The following MUS81 variants were observed in gnomAD, a reference collection of about 807,000 sequenced individuals.
MUS81 encodes the protein MUS81 structure-specific endonuclease subunit.
Under a neutral mutation model 74.2 loss-of-function variants are expected in MUS81, and 69 were observed. That is an observed-to-expected ratio of 0.93 (90% confidence interval 0.77 to 1.14). The LOEUF (loss-of-function observed/expected upper bound fraction) is 1.14, where lower values mean the gene tolerates loss of function less well. Ranked by LOEUF, MUS81 falls within the 50% of genes most tolerant of loss-of-function variation. The pLI is 0.00. For missense variants in MUS81, 711 were observed against 726.5 expected (o/e 0.98, Z 0.25); for synonymous variants, 303 against 300.6 (o/e 1.01, Z -0.08).
At chr11:65,865,531 G>A in intron 14 of MUS81, 3 of 638,482 alleles carry the variant, frequency 4.7e-6, no homozygotes, top group African/African-American at 1.8e-5. Context: ...ACAGGAGGGA[G>A]GGAGACGTCC....
At chr11:65,866,631 T>C (rs1389886179), downstream of MUS81, 2 of 703,080 alleles carry the variant, frequency 2.8e-6, no homozygotes, top group Non-Finnish European at 5.2e-6. Flanking sequence ...GAGTCCGCCC[T>C]CCTCGTTACC....
chr11:65,867,485 G>T, downstream of MUS81: 2 of 429,718 alleles, frequency 4.7e-6, no homozygotes, highest in South Asian at 2.2e-5. Context: ...GCATGCGGCT[G>T]CCAGTCACTG....
chr11:65,867,187 C>T, downstream of MUS81: 1 of 1,384,372 alleles, frequency 7.2e-7, no homozygotes, highest in African/African-American at 1.4e-5. Flanking sequence ...AGGAACAGCC[C>T]TGGCCAGGCT....
Position 65,863,796 on chromosome 11 carries a change from G to A in MUS81, c.962-8G>A, listed in dbSNP as rs759079701. ...GGGATCGCAAGCTAACGGCTGGCTTGTCAGCAGCAAACCCTGGGGAGTTGG... is the reference window on the plus strand; with the variant it reads ...GGGATCGCAAGCTAACGGCTGGCTTATCAGCAGCAAACCCTGGGGAGTTGG... On this transcript the variant is annotated splice_region_variant and splice_polypyrimidine_tract_variant and intron_variant, in intron 9 of 15. Coordinates refer to ENST00000308110, the MANE Select transcript of MUS81 (RefSeq NM_025128.5). 4 of 1,614,050 alleles carry A rather than the reference G, an allele frequency of 2.5e-6. No individual in the cohort carries two copies. In the African/African-American group the frequency reaches 4.0e-5, roughly 16 times the overall value.
chr11:65,865,996 C>A lies in MUS81; in HGVS notation c.1600C>A (p.Pro534Thr), dbSNP rs766252036. Residue 534 changes from proline (P) to threonine (T), a missense_variant, in exon 16 of 16, where the codon CCT (proline) becomes ACT (threonine). Transcript: ENST00000308110. ...KCGRLQRNLGPALSRTLSQLY... is the reference protein window; with the variant it reads ...KCGRLQRNLGTALSRTLSQLY... The stretch of plus-strand genomic sequence containing the variant: ...CCTCTCTTCCTGCAGGAATCTGGGG[C>A]CTGCTCTGAGCAGGACCTTATCCCA... 16 of 1,614,056 alleles carry A rather than the reference C, an allele frequency of 9.9e-6. No homozygotes were observed. The highest frequency in any genetic ancestry group is 1.4e-5 in the Non-Finnish European group (16 of 1,179,972).
intron 3 of MUS81, 27 bp downstream of exon 3, chr11:65,861,462 G>A (rs1859602441): frequency 6.4e-7 from 1 of 1,566,710 alleles, no homozygotes. Flanking sequence ...GGGAGTGGAA[G>A]GCAAAGTGGG....
At chr11:65,864,084 GCCAGGTA>G in intron 10 of MUS81, 183 bp downstream of exon 10, 2 of 635,228 alleles carry the variant, frequency 3.1e-6, no homozygotes, top group South Asian at 3.8e-5. Flanking sequence ...ACAGTAGGAA[GCCAGGTA>G]CCTGCATTCT....
chr11:65,867,196 C>T, downstream of MUS81: 1 of 1,270,482 alleles, frequency 7.9e-7, no homozygotes, highest in Non-Finnish European at 1.1e-6. Context: ...CCTGGCCAGG[C>T]TGCCACCCCA....
upstream of MUS81, among the ~76,000 whole-genome samples, chr11:65,859,745 T>C (rs1213795058): frequency 2.6e-5 from 4 of 152,200 alleles, no homozygotes; most frequent in Non-Finnish European, 5.9e-5. Flanking sequence ...GCGGGTCGCC[T>C]GTGTCCAACT....
chr11:65,861,824 A>AT (rs1198199205), intron 3 of MUS81, 123 bp from the exon 4 acceptor site: 10 of 783,028 alleles, frequency 1.3e-5, no homozygotes, highest in Non-Finnish European at 1.9e-5. Flanking sequence ...CACCTGGCCC[A>AT]TTTTACAGAG....
At position 65,866,204 on chromosome 11, in the gene MUS81, A is replaced by G. The variant is rs1038912849; in HGVS notation, c.*152A>G. The G allele has an allele frequency of 1.4e-6, 1 of 714,502 alleles. No homozygotes were observed. The highest frequency in any genetic ancestry group is 2.3e-6 in the Non-Finnish European group (1 of 438,478). 44.3% of individuals were successfully genotyped at this position (714,502 alleles called of 1,614,324 possible). On this transcript the variant is annotated 3_prime_UTR_variant, in exon 16 of 16. Coordinates refer to ENST00000308110, the MANE Select transcript of MUS81 (RefSeq NM_025128.5). The stretch of plus-strand genomic sequence containing the variant: ...ATGCCTAGCCCTGGGGACCTTGTGA[A>G]ATACGCAGGAACCAGGGATACCATC...
At chr11:65,867,201 AC>A, downstream of MUS81, 3 of 1,189,130 alleles carry the variant, frequency 2.5e-6, no homozygotes, top group African/African-American at 1.5e-5. Flanking sequence ...CCAGGCTGCC[AC>A]CCCAGCCTCT....
intron 3 of MUS81, 146 bp downstream of exon 3, chr11:65,861,581 ATT>A (rs1859607859): frequency 1.5e-6 from 1 of 652,622 alleles, no homozygotes; most frequent in Admixed American, 2.9e-5. Context: ...TCGACTTAGT[ATT>A]TTAACCTGTG....
Position 65,863,859 on chromosome 11 carries a change from C to T in MUS81, c.1017C>T (p.Asp339=). The T allele has an allele frequency of 6.2e-7, 1 of 1,614,170 alleles. No homozygotes were observed. Among genetic ancestry groups the T allele is most frequent in the Non-Finnish European group, 8.5e-7 (1 of 1,180,006 alleles). The stretch of plus-strand genomic sequence containing the variant: ...TTGTGGAGCGCAAGCGACTGGATGA[C>T]CTTTGCAGCAGCATCATCGACGGCC... ...DHIVERKRLD[D]LCSSIIDGRF... The change falls in exon 10 of 16, where the codon GAC becomes GAT. Residue 339 remains aspartate, a synonymous_variant. Coordinates refer to ENST00000308110, the MANE Select transcript of MUS81 (RefSeq NM_025128.5).
intron 4 of MUS81, 62 bp downstream of exon 4, chr11:65,862,107 G>A: frequency 6.3e-7 from 1 of 1,590,972 alleles, no homozygotes; most frequent in East Asian, 2.2e-5. Context: ...TTCCCCGAGG[G>A]GCCTGGCCCA....
Position 65,864,505 on chromosome 11 carries a change from G to A in MUS81, c.1068G>A (p.Leu356=), listed in dbSNP as rs2134736295. ...DGRFREQKFR[L]KRCGLERRVY... is the part of the protein sequence containing the mutation. ...TCTGTACACTTCCCTAGTTCCGGCTGAAGCGCTGTGGTCTGGAGCGCCGGG... is the reference window on the plus strand; with the variant it reads ...TCTGTACACTTCCCTAGTTCCGGCTAAAGCGCTGTGGTCTGGAGCGCCGGG... Residue 356 remains leucine, a synonymous_variant, in exon 11 of 16, where the codon CTG becomes CTA. Transcript: ENST00000308110. 1 of 1,614,068 alleles carries A rather than the reference G, an allele frequency of 6.2e-7. No homozygotes were observed. The highest frequency in any genetic ancestry group is 1.1e-5 in the South Asian group (1 of 91,086).
In MUS81 at chr11:65,862,454, G is replaced by A; in HGVS notation, c.530G>A (p.Gly177Glu). ...TTTTCTGATCCACAGGTAGCCCCTG[G>A]GAGTGCTCGACCCTGGCCAGCCCTC... is the stretch of plus-strand genomic sequence containing the variant. ...CAQKSPRVAP[G>E]SARPWPALRS... Residue 177 changes from glycine to glutamate, a missense_variant, in exon 6 of 16, where the codon GGG becomes GAG. By Grantham distance (98) the Gly-to-Glu change is moderately conservative. Transcript: ENST00000308110. The A allele has an allele frequency of 6.2e-7, 1 of 1,613,750 alleles. No individual in the cohort carries two copies. The highest frequency in any genetic ancestry group is 1.1e-5 in the South Asian group (1 of 91,086).
At chr11:65,862,991 G>A (rs1859669985) in intron 6 of MUS81, 74 bp from the exon 7 acceptor site, 1 of 1,599,952 alleles carries the variant, frequency 6.3e-7, no homozygotes, top group Non-Finnish European at 8.5e-7. Flanking sequence ...GGCCAGCCCA[G>A]CTGGGGGCAG....
Position 65,861,993 on chromosome 11 carries a change from C to G in MUS81, c.398C>G (p.Ala133Gly). 1 of 1,611,490 alleles carries G rather than the reference C, an allele frequency of 6.2e-7. No homozygotes were observed. Among genetic ancestry groups the G allele is most frequent in the Non-Finnish European group, 8.5e-7 (1 of 1,179,276 alleles). ...KAGGSGSYWP[A>G]RHSGARVILL... is the part of the protein sequence containing the mutation. ...GGAGGCTCTGGCAGCTACTGGCCAGCTCGGCACTCAGGAGCCCGAGTGATA... is the reference window on the plus strand; with the variant it reads ...GGAGGCTCTGGCAGCTACTGGCCAGGTCGGCACTCAGGAGCCCGAGTGATA... The change falls in exon 4 of 16, where the codon GCT (alanine) becomes GGT (glycine). Residue 133 changes from alanine to glycine, a missense_variant. Coordinates refer to ENST00000308110, the MANE Select transcript of MUS81 (RefSeq NM_025128.5).
Sources: gnomAD v4.1 joint callset for allele counts (sites outside exome capture counted in the v4.1 genomes callset) on GRCh38, gnomAD v4.1.1 for gene constraint, MANE v1.5 for transcripts, NCBI Gene and HGNC (gene_info 2026-07-23, HGNC 2026-07-21) for gene names.